SLC4A7: variants seen among roughly 807,000 people sequenced by gnomAD.
The protein encoded by SLC4A7 is solute carrier family 4 member 7.
In SLC4A7, 51 loss-of-function variants were observed where a neutral mutation model predicts 137.6. The ratio of observed to expected loss-of-function variants is 0.37; its 90% confidence interval spans 0.30 to 0.47. SLC4A7 has a LOEUF of 0.47. SLC4A7 is among the 20% of genes least tolerant of loss of function. The probability of loss-of-function intolerance (pLI) is 1.00; values close to 1 mark genes in which losing one functional copy is unlikely to be tolerated. For synonymous variants in SLC4A7, 542 were observed against 518.6 expected, an observed-to-expected ratio of 1.05 and a Z score of -0.61; for missense variants, 1,247 against 1,525.4, an observed-to-expected ratio of 0.82 and a Z score of 3.04.
intron 1 of SLC4A7, among the ~76,000 whole-genome samples, chr3:27,472,943 G>A (rs1023047043): frequency 6.6e-6 from 1 of 152,150 alleles, no homozygotes; most frequent in African/African-American, 2.4e-5. Flanking sequence ...AGCTGGGCGT[G>A]GTAGCGCAAG....
Position 27,418,578 on chromosome 3 carries a change from T to C in SLC4A7, c.1567A>G (p.Ile523Val). The C allele has an allele frequency of 1.9e-6, 3 of 1,603,050 alleles. No homozygotes were observed. Among genetic ancestry groups the C allele is most frequent in the Non-Finnish European group, 2.6e-6 (3 of 1,170,110 alleles). ...GTTACTTGATCTAAAAATTCATCAA[T>C]TCCAGATAAGAGGTCATTTCTGTCT... is the stretch of plus-strand genomic sequence containing the variant. The part of the protein sequence containing the change: ...AKDRNDLLSG[I>V]DEFLDQVTVL... Residue 523 changes from isoleucine to valine, a missense_variant, in exon 11 of 26, where the codon ATT becomes GTT. Transcript: ENST00000454389.
chr3:27,405,599 C>T (rs2053260233), intron 13 of SLC4A7, among the ~76,000 whole-genome samples: 1 of 152,026 alleles, frequency 6.6e-6, no homozygotes, highest in African/African-American at 2.4e-5. Context: ...CAAAAAAGAA[C>T]TGCTATAAAA....
At chr3:27,453,339 G>T (rs2058202563) in intron 1 of SLC4A7, among the ~76,000 whole-genome samples, 1 of 152,208 alleles carries the variant, frequency 6.6e-6, no homozygotes, top group African/African-American at 2.4e-5. Context: ...TTGAAGCCGG[G>T]CCTGGTTGCT....
intron 22 of SLC4A7, among the ~76,000 whole-genome samples, chr3:27,389,167 CCT>C (rs2051279083): frequency 6.6e-6 from 1 of 152,102 alleles, no homozygotes; most frequent in South Asian, 2.1e-4. Context: ...CATACACCTT[CCT>C]CTCAGTGTAA....
intron 2 of SLC4A7, among the ~76,000 whole-genome samples, chr3:27,450,447 A>C (rs935197230): frequency 6.6e-6 from 1 of 152,274 alleles, no homozygotes; most frequent in African/African-American, 2.4e-5. Context: ...AATCTCATTT[A>C]AAAAGTAATA....
At chr3:27,424,793 G>A (rs529533857) in intron 7 of SLC4A7, among the ~76,000 whole-genome samples, 1 of 152,176 alleles carries the variant, frequency 6.6e-6, no homozygotes, top group South Asian at 2.1e-4. Flanking sequence ...ATAACCAAAG[G>A]GATCTGTGTT....
intron 1 of SLC4A7, among the ~76,000 whole-genome samples, chr3:27,461,262 G>A (rs929268320): frequency 1.3e-5 from 2 of 151,802 alleles, no homozygotes; most frequent in African/African-American, 4.8e-5. Context: ...GCCAGGCGTG[G>A]TGGCTCACAC....
chr3:27,413,488 T>C (rs1350838570), intron 11 of SLC4A7, among the ~76,000 whole-genome samples: 1 of 152,136 alleles, frequency 6.6e-6, no homozygotes, highest in East Asian at 1.9e-4. Flanking sequence ...TCTACAGTAA[T>C]ACAAACTAGT....
intron 1 of SLC4A7, among the ~76,000 whole-genome samples, chr3:27,475,996 T>C (rs1451738921): frequency 2.0e-5 from 3 of 152,194 alleles, no homozygotes; most frequent in Non-Finnish European, 4.4e-5. Context: ...GTAATAATTG[T>C]AAAGAATAGA....
chr3:27,394,337 T>C lies in SLC4A7; in HGVS notation c.3117+181A>G, dbSNP rs1445498294. Reference sequence around the variant, plus strand: ...CCTGGTATACATTATTTTAAAAATATATACAGCTTACCACTGAAATGCTTG... The same window carrying C: ...CCTGGTATACATTATTTTAAAAATACATACAGCTTACCACTGAAATGCTTG... On this transcript the variant is annotated intron_variant, in intron 20 of 25. Coordinates refer to ENST00000454389, the MANE Select transcript of SLC4A7 (RefSeq NM_001321103.2). Among the ~76,000 whole-genome samples, 7 of 150,632 alleles carry C rather than the reference T, an allele frequency of 4.6e-5. No individual in the cohort carries two copies. In the East Asian group the frequency reaches 1.4e-3, roughly 29 times the overall value.
chr3:27,446,114 CTA>C lies in SLC4A7; in HGVS notation c.289+2535_289+2536del, dbSNP rs1363206476. Among the ~76,000 whole-genome samples, 7 of 93,644 alleles carry C rather than the reference CTA, an allele frequency of 7.5e-5. No homozygotes were observed. The South Asian group carries it at 1.8e-3, about 24-fold the overall frequency. 61.4% of individuals were successfully genotyped at this position (93,644 alleles called of 152,430 possible). On this transcript the variant is annotated intron_variant, in intron 3 of 25. Transcript: ENST00000454389. ...TAACTTGATTGTGATAATCATTTAACTATGTGTGTGTGTATATATATATATAA... is the reference window on the plus strand; with the variant it reads ...TAACTTGATTGTGATAATCATTTAACTGTGTGTGTGTATATATATATATAA...
intron 1 of SLC4A7, among the ~76,000 whole-genome samples, chr3:27,483,336 C>A (rs930058167): frequency 2.0e-5 from 3 of 152,248 alleles, no homozygotes; most frequent in African/African-American, 7.2e-5. Flanking sequence ...GAAACGCGAT[C>A]TTGCTAGCTG....
chr3:27,374,361 C>T lies in SLC4A7; in HGVS notation c.*2403G>A, dbSNP rs2049759941. ...CACCTTGAGGTAAATCAGTACATAG[C>T]AACTACTACTGCTTACATACACTTA... is the stretch of plus-strand genomic sequence containing the variant. On this transcript the variant is annotated 3_prime_UTR_variant, in exon 26 of 26. Coordinates refer to ENST00000454389, the MANE Select transcript of SLC4A7 (RefSeq NM_001321103.2). The T allele has an allele frequency of 6.6e-6, 1 of 152,500 alleles. No individual in the cohort carries two copies. Among genetic ancestry groups the T allele is most frequent in the Non-Finnish European group, 1.5e-5 (1 of 67,938 alleles). The allele number at this position is 152,500 out of a possible 1,614,324, so 9.4% of individuals were successfully genotyped here.
intron 1 of SLC4A7, among the ~76,000 whole-genome samples, chr3:27,456,358 TAAGATA>T (rs2058408339): frequency 6.6e-6 from 1 of 152,234 alleles, no homozygotes; most frequent in African/African-American, 2.4e-5. Flanking sequence ...ACTTAACTAT[TAAGATA>T]AAGTGATTTC....
chr3:27,462,785 T>C (rs528275311), intron 1 of SLC4A7: 2 of 152,518 alleles, frequency 1.3e-5, no homozygotes, highest in South Asian at 4.1e-4. Flanking sequence ...ACTGCATTAG[T>C]AATTGAGGCT....
chr3:27,428,575 G>T (rs1001038653), intron 7 of SLC4A7, among the ~76,000 whole-genome samples: 1 of 152,148 alleles, frequency 6.6e-6, no homozygotes, highest in Non-Finnish European at 1.5e-5. Flanking sequence ...AGAAAGAGAG[G>T]TTTACTTCAT....
Position 27,404,972 on chromosome 3 carries a change from G to A in SLC4A7, c.1942-9C>T. The stretch of plus-strand genomic sequence containing the variant: ...AGAGACTCTATTGCACTCTGTTTAA[G>A]GAAAAAAGAAATGAATAAAAGCAAT... On this transcript the variant is annotated splice_polypyrimidine_tract_variant and intron_variant, in intron 13 of 25. Coordinates refer to ENST00000454389, the MANE Select transcript of SLC4A7 (RefSeq NM_001321103.2). 6.4e-7 allele frequency: 1 copy of A among 1,550,712 alleles called. No individual in the cohort carries two copies. The highest frequency in any genetic ancestry group is 8.6e-7 in the Non-Finnish European group (1 of 1,156,318).
At chr3:27,448,232 A>G (rs958514729) in intron 3 of SLC4A7, among the ~76,000 whole-genome samples, 1 of 151,308 alleles carries the variant, frequency 6.6e-6, no homozygotes, top group Non-Finnish European at 1.5e-5. Flanking sequence ...AAAAAAAAAA[A>G]AAGAAGAAGG....
chr3:27,442,839 A>G (rs989307500), intron 3 of SLC4A7, among the ~76,000 whole-genome samples: 1 of 151,990 alleles, frequency 6.6e-6, no homozygotes, highest in Non-Finnish European at 1.5e-5. Context: ...CATCTCACCA[A>G]CTGAATTCCT....
Sources: gnomAD v4.1 joint callset for allele counts (sites outside exome capture counted in the v4.1 genomes callset) on GRCh38, gnomAD v4.1.1 for gene constraint, MANE v1.5 for transcripts, NCBI Gene and HGNC (gene_info 2026-07-23, HGNC 2026-07-21) for gene names.